Variants in AFG3L2 observed in about 807,000 individuals in gnomAD.
AFG3L2 encodes the protein AFG3 like matrix AAA peptidase subunit 2.
AFG3L2 carries 54 observed loss-of-function variants against 94.5 expected under a neutral mutation model. The ratio of observed to expected loss-of-function variants is 0.57; its 90% CI spans 0.46 to 0.72. AFG3L2 has a LOEUF of 0.72. Among genes scored for constraint, AFG3L2 ranks in the 30% least tolerant of loss-of-function variants. The pLI is 0.00. For synonymous variants in AFG3L2, 377 were observed against 365.5 expected, an observed-to-expected ratio of 1.03 and a Z score of -0.36; for missense variants, 754 against 994.9, an observed-to-expected ratio of 0.76 and a Z score of 3.26.
intron 1 of AFG3L2, among the ~76,000 whole-genome samples, chr18:12,375,734 A>G (rs1371852318): frequency 6.6e-6 from 1 of 152,058 alleles, no homozygotes; most frequent in African/African-American, 2.4e-5. Context: ...TTTAGTAGAG[A>G]TGGGGTTTCA....
chr18:12,372,393 A>G (rs1390334854), intron 1 of AFG3L2, among the ~76,000 whole-genome samples: 2 of 152,230 alleles, frequency 1.3e-5, no homozygotes, highest in Non-Finnish European at 1.5e-5. Flanking sequence ...ACAGACAAGT[A>G]TGGGTGAGGA....
chr18:12,372,382 G>C (rs1450808686), intron 1 of AFG3L2, among the ~76,000 whole-genome samples: 2 of 152,128 alleles, frequency 1.3e-5, no homozygotes, highest in Non-Finnish European at 2.9e-5. Flanking sequence ...TAATCAAAAA[G>C]ACAGACAAGT....
At chr18:12,336,087 A>C (rs1907733273) in intron 16 of AFG3L2, among the ~76,000 whole-genome samples, 1 of 152,198 alleles carries the variant, frequency 6.6e-6, no homozygotes, top group South Asian at 2.1e-4. Flanking sequence ...TTCGGGAGGA[A>C]TTTATAGTTT....
intron 3 of AFG3L2, among the ~76,000 whole-genome samples, chr18:12,370,054 C>CAAAAAAAAAAAA (rs796293157): frequency 2.8e-5 from 1 of 36,004 alleles, no homozygotes; most frequent in Non-Finnish European, 7.1e-5. Context: ...GACTCTGTCT[C>CAAAAAAAAAAAA]AAAAAAAAAA....
At chr18:12,366,307 T>C (rs975765978) in intron 5 of AFG3L2, among the ~76,000 whole-genome samples, 2 of 152,240 alleles carry the variant, frequency 1.3e-5, no homozygotes, top group African/African-American at 4.8e-5. Flanking sequence ...TAAAATACCA[T>C]GTGTCTTACA....
At chr18:12,332,074 G>T (rs867618440) in intron 16 of AFG3L2, among the ~76,000 whole-genome samples, 60 of 151,444 alleles carry the variant, frequency 4.0e-4, no homozygotes, top group Middle Eastern at 6.8e-3. Context: ...CATATACCTA[G>T]TGTAAAGAAA....
intron 13 of AFG3L2, among the ~76,000 whole-genome samples, chr18:12,345,840 G>T (rs1398562194): frequency 6.6e-6 from 1 of 152,140 alleles, no homozygotes; most frequent in Non-Finnish European, 1.5e-5. Flanking sequence ...TACCATCTGA[G>T]GTTTACCTTT....
Position 12,337,541 on chromosome 18 carries a change from A to C in AFG3L2, c.1981-6T>G, listed in dbSNP as rs776921370. On this transcript the variant is annotated splice_region_variant and splice_polypyrimidine_tract_variant and intron_variant, in intron 15 of 16. Coordinates refer to ENST00000269143, the MANE Select transcript of AFG3L2 (RefSeq NM_006796.3). ...TTCATGCCAAACTGAACAATCTGAAAAATACATAATTAGTGGTGATTACAT... is the reference window on the plus strand; with the variant it reads ...TTCATGCCAAACTGAACAATCTGAACAATACATAATTAGTGGTGATTACAT... The C allele has an allele frequency of 1.9e-6, 3 of 1,613,724 alleles. No individual in the cohort carries two copies. The Admixed American group carries it at 5.0e-5, about 27-fold the overall frequency.
chr18:12,364,566 T>C (rs182913481), intron 5 of AFG3L2, among the ~76,000 whole-genome samples: 26 of 152,362 alleles, frequency 1.7e-4, no homozygotes, highest in African/African-American at 6.3e-4. Flanking sequence ...TATCGCTCTA[T>C]AGGACATACC....
chr18:12,334,651 C>T (rs911501104), intron 16 of AFG3L2, among the ~76,000 whole-genome samples: 2 of 152,166 alleles, frequency 1.3e-5, no homozygotes, highest in Admixed American at 1.3e-4. Flanking sequence ...TACAGCTCTG[C>T]CTTTGCCTTT....
intron 5 of AFG3L2, among the ~76,000 whole-genome samples, chr18:12,364,263 C>T (rs369172982): frequency 2.0e-5 from 3 of 152,300 alleles, no homozygotes; most frequent in African/African-American, 2.4e-5. Flanking sequence ...CTGCAGGGTA[C>T]GCCATGCTAT....
intron 5 of AFG3L2, among the ~76,000 whole-genome samples, 181 bp downstream of exon 5, chr18:12,366,784 A>T (rs1001156384): frequency 6.6e-6 from 1 of 152,216 alleles, no homozygotes; most frequent in Non-Finnish European, 1.5e-5. Context: ...AAATTTGAGG[A>T]CACCAGGTCA....
intron 6 of AFG3L2, among the ~76,000 whole-genome samples, chr18:12,361,694 G>A (rs985172345): frequency 1.3e-5 from 2 of 152,152 alleles, no homozygotes; most frequent in Admixed American, 6.6e-5. Context: ...ACAAGTCATC[G>A]CATATCCTTC....
chr18:12,366,433 C>G (rs575133120), intron 5 of AFG3L2, among the ~76,000 whole-genome samples: 2 of 152,168 alleles, frequency 1.3e-5, no homozygotes, highest in Admixed American at 1.3e-4. Flanking sequence ...GCTCCGCAGA[C>G]AGAGAAATGG....
rs112234987 is a variant in AFG3L2 at position 12,360,048 on chromosome 18, A to G, written c.631T>C (p.Tyr211His). 1 of 1,614,010 alleles carries G rather than the reference A, an allele frequency of 6.2e-7. No individual in the cohort carries two copies. The highest frequency in any genetic ancestry group is 1.1e-5 in the South Asian group (1 of 91,086). ...ACACTGCCAATATTAAACCAAACGT[A>G]TTGCTATAAAAACAAAAAAACAAAT... is the stretch of plus-strand genomic sequence containing the variant. ...TPGKTPVDGQ[Y>H]VWFNIGSVDT... Residue 211 changes from tyrosine to histidine, a missense_variant, in exon 7 of 17, where the codon TAC (tyrosine) becomes CAC (histidine). Physicochemically the swap from Tyr to His is moderately conservative, Grantham distance 83. Around this residue, in one of 4 missense-constraint regions of AFG3L2, gnomAD observed 130 missense variants for 175.1 expected, o/e 0.74. Coordinates refer to ENST00000269143, the MANE Select transcript of AFG3L2 (RefSeq NM_006796.3).
intron 3 of AFG3L2, 60 bp downstream of exon 3, chr18:12,370,789 T>A (rs1190602175): frequency 8.9e-7 from 1 of 1,128,838 alleles, no homozygotes; most frequent in Non-Finnish European, 1.3e-6. Context: ...CAGTGGAAAC[T>A]ACCACCATTA....
At chr18:12,360,602 C>A (rs770557672) in intron 6 of AFG3L2, among the ~76,000 whole-genome samples, 2 of 152,190 alleles carry the variant, frequency 1.3e-5, no homozygotes, top group Non-Finnish European at 2.9e-5. Context: ...GGAACAGATG[C>A]GCCTTGCTGT....
At chr18:12,348,651 C>A (rs1908220437) in intron 12 of AFG3L2, among the ~76,000 whole-genome samples, 1 of 152,140 alleles carries the variant, frequency 6.6e-6, no homozygotes, top group Admixed American at 6.5e-5. Flanking sequence ...CCTTAATAGA[C>A]AATATAGCTC....
intron 7 of AFG3L2, among the ~76,000 whole-genome samples, chr18:12,359,350 A>C (rs1170249391): frequency 6.6e-6 from 1 of 152,204 alleles, no homozygotes; most frequent in Non-Finnish European, 1.5e-5. Flanking sequence ...CCAAAGGTCA[A>C]TGCATTGAAT....
Sources: gnomAD v4.1 joint callset for allele counts (sites outside exome capture counted in the v4.1 genomes callset) on GRCh38, gnomAD v4.1.1 for gene constraint, gnomAD v4.1.1 regional missense constraint, MANE v1.5 for transcripts, NCBI Gene and HGNC (gene_info 2026-07-23, HGNC 2026-07-21) for gene names.